The following SURF4 variants were observed in gnomAD, a reference collection of about 807,000 sequenced individuals.
SURF4 encodes surfeit 4.
SURF4 carries 3 observed loss-of-function variants against 30.0 expected under a neutral mutation model. The observed-to-expected ratio is 0.10, with a 90% CI of 0.05 to 0.26. SURF4 has a LOEUF of 0.26. Ranked by LOEUF, SURF4 falls within the 10% of genes least tolerant of loss-of-function variation. The pLI is 1.00. For missense variants in SURF4, 217 were observed against 350.8 expected, an observed-to-expected ratio of 0.62 and a Z score of 3.05; for synonymous variants, 143 against 139.9, an observed-to-expected ratio of 1.02 and a Z score of -0.16.
intron 1 of SURF4, among the ~76,000 whole-genome samples, chr9:133,373,909 C>CA (rs71824689): frequency 0.027 from 1,295 of 47,398 alleles, 116 homozygotes; most frequent in Middle Eastern, 0.066. Context: ...AATTCTGTCT[C>CA]AAAAAAAAAA....
upstream of SURF4, chr9:133,376,341 G>C (rs1365320320): frequency 2.2e-6 from 3 of 1,381,734 alleles, no homozygotes; most frequent in African/African-American, 4.6e-5. Flanking sequence ...TGGGGGTCTG[G>C]GGCCAGCGCG....
intron 1 of SURF4, among the ~76,000 whole-genome samples, chr9:133,374,045 G>A (rs2130219134): frequency 6.6e-6 from 1 of 151,848 alleles, no homozygotes; most frequent in Non-Finnish European, 1.5e-5. Context: ...TCTAGATTTG[G>A]TTATGAAATT....
rs2130141313 is a variant in SURF4 at position 133,367,377 on chromosome 9, C to T, written c.117G>A (p.Glu39=). ...ARLCLISTFL[E]DGIRMWFQWS... ...ACTGGAACCACATACGGATGCCGTC[C>T]TCCAGGAAGGTGCTGATCAGACAGA... Residue 39 remains glutamate (E), a synonymous_variant, in exon 2 of 6, where the codon GAG becomes GAA. Coordinates refer to ENST00000371989, the MANE Select transcript of SURF4 (RefSeq NM_033161.4). 1.7e-5 allele frequency: 28 copies of T among 1,614,100 alleles called. No homozygotes were observed. The highest frequency in any genetic ancestry group is 2.2e-5 in the East Asian group (1 of 44,900).
upstream of SURF4, chr9:133,376,563 G>C: frequency 2.5e-6 from 4 of 1,592,050 alleles, no homozygotes; most frequent in Non-Finnish European, 3.4e-6. Context: ...AGTACCAGGT[G>C]CCGAGTGTTC....
chr9:133,377,261 G>GA (rs2130253203), upstream of SURF4, among the ~76,000 whole-genome samples: 43 of 150,922 alleles, frequency 2.8e-4, no homozygotes, highest in African/African-American at 5.8e-4. Flanking sequence ...CCTGCTTTTG[G>GA]AAAAAAAAAT....
At chr9:133,373,933 A>AAAAAAAAG (rs1554773647) in intron 1 of SURF4, among the ~76,000 whole-genome samples, 24 of 149,238 alleles carry the variant, frequency 1.6e-4, no homozygotes, top group African/African-American at 5.0e-4. Flanking sequence ...AAAAAAAAAA[A>AAAAAAAAG]AAGAAGAAGA....
At position 133,375,373 on chromosome 9, in the gene SURF4, C is replaced by T. The variant is rs2130236160; in HGVS notation, c.48+549G>A. 1.3e-5 allele frequency: 13 copies of T among 985,756 alleles called. No homozygotes were observed. The African/African-American group carries it at 2.3e-4, about 17-fold the overall frequency. The allele number at this position is 985,756 out of a possible 1,614,324, so 61.1% of individuals were successfully genotyped here. A position where few individuals can be genotyped will look rare whatever the true frequency, so the allele number is the denominator to read the frequency against. On this transcript the variant is annotated intron_variant, in intron 1 of 5. Transcript: ENST00000371989. ...GACGCAGACAGGGTCAAAGGGACCC[C>T]AAGAGTCCAGCACATCTGGGAAAGA...
At chr9:133,366,788 T>C (rs1837202827) in intron 2 of SURF4, 113 bp from the exon 3 acceptor site, 1 of 867,352 alleles carries the variant, frequency 1.2e-6, no homozygotes. Context: ...CCAAACCACC[T>C]ACCCAAGCAA....
chr9:133,364,641 G>A (rs1241052422), intron 5 of SURF4, among the ~76,000 whole-genome samples, 199 bp downstream of exon 5: 1 of 150,750 alleles, frequency 6.6e-6, no homozygotes, highest in Non-Finnish European at 1.5e-5. Flanking sequence ...GCGGTGAGCC[G>A]AGATCACGCA....
At chr9:133,376,439 G>T (rs2130247638), upstream of SURF4, 3 of 1,543,688 alleles carry the variant, frequency 1.9e-6, no homozygotes, top group South Asian at 3.6e-5. Context: ...TGGGGCCAGG[G>T]GTGGACGCTC....
In SURF4 at chr9:133,362,285, CAG is replaced by C. The variant is rs2130073002; in HGVS notation, c.*1206_*1207del. ...GTGGCATTTACTATGGTGCAGACGACAGGGAGCAACAAGCAGTTAAGCTCCCC... is the reference window on the plus strand; with the variant it reads ...GTGGCATTTACTATGGTGCAGACGACGGAGCAACAAGCAGTTAAGCTCCCC... On this transcript the variant is annotated 3_prime_UTR_variant, in exon 6 of 6. Coordinates refer to ENST00000371989, the MANE Select transcript of SURF4 (RefSeq NM_033161.4). The C allele has an allele frequency of 6.6e-6, 1 of 152,576 alleles. No individual in the cohort carries two copies. The highest frequency in any genetic ancestry group is 2.4e-5 in the African/African-American group (1 of 41,440). 9.5% of individuals were successfully genotyped at this position (152,576 alleles called of 1,614,324 possible). A position where few individuals can be genotyped will look rare whatever the true frequency, so the allele number is the denominator to read the frequency against.
Position 133,363,154 on chromosome 9 carries a change from C to A in SURF4, c.*339G>T. On this transcript the variant is annotated 3_prime_UTR_variant, in exon 6 of 6. Coordinates refer to ENST00000371989, the MANE Select transcript of SURF4 (RefSeq NM_033161.4). The surrounding 1 kb of genome is among the most constrained non-coding windows in gnomAD (Gnocchi z 4.3). Reference sequence around the variant, plus strand: ...ACCAATGCGTCTGCTCACAGTACAGCTTGAAGGCCCCCTCCTGTACCCCCA... The same window carrying A: ...ACCAATGCGTCTGCTCACAGTACAGATTGAAGGCCCCCTCCTGTACCCCCA... 3.6e-6 allele frequency: 2 copies of A among 560,680 alleles called. No homozygotes were observed. Among genetic ancestry groups the A allele is most frequent in the South Asian group, 2.0e-5 (1 of 49,218 alleles). 34.7% of individuals were successfully genotyped at this position (560,680 alleles called of 1,614,324 possible).
chr9:133,376,428 G>T, upstream of SURF4: 1 of 1,510,744 alleles, frequency 6.6e-7, no homozygotes, highest in Non-Finnish European at 8.8e-7. Context: ...CCCACGCGGG[G>T]TGGGGCCAGG....
chr9:133,363,430 TCCACCCCGAA>T lies in SURF4; in HGVS notation c.*53_*62del. The T allele has an allele frequency of 1.2e-6, 2 of 1,613,908 alleles. No homozygotes were observed. Among genetic ancestry groups the T allele is most frequent in the Non-Finnish European group, 1.7e-6 (2 of 1,179,908 alleles). ...CATAAAAGCTGGCAGTTTTGTTGAA[TCCACCCCGAA>T]CCAGTCCTTGACGGCCACGGGTCTT... On this transcript the variant is annotated 3_prime_UTR_variant, in exon 6 of 6. Coordinates refer to ENST00000371989, the MANE Select transcript of SURF4 (RefSeq NM_033161.4). This position sits in a 1 kb window ranked among gnomAD's most constrained non-coding sequence, Gnocchi z 4.3.
intron 1 of SURF4, among the ~76,000 whole-genome samples, chr9:133,368,592 A>G (rs1837319741): frequency 6.6e-6 from 1 of 152,270 alleles, no homozygotes; most frequent in Admixed American, 6.5e-5. Flanking sequence ...CTGTTTCAAC[A>G]GCAATGAAAC....
At chr9:133,369,980 G>C (rs1163958321) in intron 1 of SURF4, among the ~76,000 whole-genome samples, 3 of 152,202 alleles carry the variant, frequency 2.0e-5, no homozygotes, top group African/African-American at 4.8e-5. Flanking sequence ...CAGAGAGGTA[G>C]ACTGCAATCC....
chr9:133,370,961 G>A (rs1837472712), intron 1 of SURF4: 1 of 1,289,506 alleles, frequency 7.8e-7, no homozygotes, highest in African/African-American at 1.5e-5. Flanking sequence ...AGCATCTGAG[G>A]GGCTTAACAG....
chr9:133,363,714 T>C lies in SURF4; in HGVS notation c.589A>G (p.Ile197Val), dbSNP rs1232025665. 1 of 1,614,216 alleles carries C rather than the reference T, an allele frequency of 6.2e-7. No individual in the cohort carries two copies. The highest frequency in any genetic ancestry group is 1.3e-5 in the African/African-American group (1 of 75,070). ...GCAGCCAGCTTGGTTTTAAAACCAATGGCCACTAAAATCATCAGAGCTGTG... is the reference window on the plus strand; with the variant it reads ...GCAGCCAGCTTGGTTTTAAAACCAACGGCCACTAAAATCATCAGAGCTGTG... ...VGTALMILVAIGFKTKLAALT... is the reference protein window; with the variant it reads ...VGTALMILVAVGFKTKLAALT... Residue 197 changes from isoleucine (I) to valine (V), a missense_variant, in exon 6 of 6, where the codon ATT (isoleucine) becomes GTT (valine). Ile to Val is a conservative substitution (Grantham distance 29). Transcript: ENST00000371989. This position sits in a 1 kb window ranked among gnomAD's most constrained non-coding sequence, Gnocchi z 4.3.
At chr9:133,375,183 C>A in intron 1 of SURF4, 1 of 984,308 alleles carries the variant, frequency 1.0e-6, no homozygotes, top group Non-Finnish European at 1.2e-6. Context: ...CCCGAATGCT[C>A]TCAACAGTTA....
Sources: allele counts gnomAD v4.1 joint callset (sites outside exome capture counted in the v4.1 genomes callset), GRCh38; gene constraint gnomAD v4.1.1; non-coding constraint Gnocchi (gnomAD v3.1); transcripts MANE v1.5; gene names NCBI Gene and HGNC (gene_info 2026-07-23, HGNC 2026-07-21).